Variants in FREM1 observed in about 807,000 individuals in gnomAD.
FREM1 encodes FRAS1 related extracellular matrix 1.
FREM1 carries 220 observed loss-of-function variants against 210.1 expected under a neutral mutation model. The ratio of observed to expected loss-of-function variants is 1.05; its 90% CI spans 0.94 to 1.17. The LOEUF (loss-of-function observed/expected upper bound fraction) is 1.17. Among genes scored for constraint, FREM1 ranks in the 50% most tolerant of loss-of-function variants. The pLI is 0.00. For missense variants in FREM1, 3,454 were observed against 2,675.5 expected, an observed-to-expected ratio of 1.29 and a Z score of -6.42; for synonymous variants, 1,189 against 980.2, an observed-to-expected ratio of 1.21 and a Z score of -3.98.
chr9:14,741,657 G>C (rs762577212), intron 35 of FREM1, among the ~76,000 whole-genome samples: 10 of 152,168 alleles, frequency 6.6e-5, no homozygotes, highest in Non-Finnish European at 2.9e-5. Flanking sequence ...GGGCTTGAGG[G>C]ACTGTCCCAG....
intron 1 of FREM1, among the ~76,000 whole-genome samples, chr9:14,885,059 G>A (rs548727235): frequency 0.07 from 8,352 of 119,428 alleles, 1,411 homozygotes; most frequent in African/African-American, 0.26. Context: ...CGAGTGGCTG[G>A]GACTACAGCT....
intron 3 of FREM1, among the ~76,000 whole-genome samples, chr9:14,863,216 C>T (rs886934524): frequency 2.6e-5 from 4 of 151,612 alleles, no homozygotes; most frequent in Non-Finnish European, 5.9e-5. Context: ...TGGTGGGCGC[C>T]TGTAGTCCCA....
intron 27 of FREM1, among the ~76,000 whole-genome samples, chr9:14,762,898 A>G (rs1011635517): frequency 3.3e-5 from 5 of 152,170 alleles, no homozygotes; most frequent in African/African-American, 1.2e-4. Context: ...GCCTGCAAGA[A>G]GCCACACAGC....
chr9:14,830,617 C>T (rs1360166813), intron 10 of FREM1, among the ~76,000 whole-genome samples: 5 of 151,692 alleles, frequency 3.3e-5, no homozygotes, highest in Admixed American at 6.6e-5. Flanking sequence ...CGGAAGACCT[C>T]CTCCTCTTTC....
chr9:14,770,224 G>A (rs1847282152), intron 26 of FREM1, among the ~76,000 whole-genome samples: 1 of 151,756 alleles, frequency 6.6e-6, no homozygotes, highest in Non-Finnish European at 1.5e-5. Context: ...GAATCCATTA[G>A]GAAAAAAACC....
At chr9:14,758,862 T>G (rs1198560853) in intron 28 of FREM1, among the ~76,000 whole-genome samples, 1 of 152,224 alleles carries the variant, frequency 6.6e-6, no homozygotes, top group Non-Finnish European at 1.5e-5. Context: ...AGTTGACTGA[T>G]CTAGAAGTGG....
intron 24 of FREM1, among the ~76,000 whole-genome samples, chr9:14,780,700 T>G (rs923921): frequency 0.47 from 71,128 of 151,948 alleles, 17,044 homozygotes; most frequent in African/African-American, 0.57. Flanking sequence ...ACATTAAAAA[T>G]GGAAGGGGGA....
At chr9:14,819,188 T>C (rs770624032) in intron 14 of FREM1, 46 bp downstream of exon 14, 1 of 1,389,182 alleles carries the variant, frequency 7.2e-7, no homozygotes, top group Admixed American at 2.0e-5. Flanking sequence ...CTGATCTAGA[T>C]AAGAAACTAA....
chr9:14,897,319 A>G (rs183438900), intron 1 of FREM1, among the ~76,000 whole-genome samples: 125 of 152,260 alleles, frequency 8.2e-4, no homozygotes, highest in Admixed American at 1.6e-3. Context: ...TAACTAAAGT[A>G]CCTCATATTC....
chr9:14,803,821 A>T (rs1232895021), intron 19 of FREM1, among the ~76,000 whole-genome samples: 2 of 152,238 alleles, frequency 1.3e-5, no homozygotes, highest in Non-Finnish European at 2.9e-5. Context: ...AGCCCTACTT[A>T]TTAAATATTA....
intron 1 of FREM1, among the ~76,000 whole-genome samples, chr9:14,873,428 T>A (rs949943226): frequency 6.6e-6 from 1 of 152,254 alleles, no homozygotes; most frequent in Non-Finnish European, 1.5e-5. Context: ...ATTTATCCAT[T>A]TCTTCGATAT....
chr9:14,745,291 T>C (rs1298321624), intron 35 of FREM1, among the ~76,000 whole-genome samples: 1 of 152,132 alleles, frequency 6.6e-6, no homozygotes, highest in Non-Finnish European at 1.5e-5. Context: ...TAAAAACAAA[T>C]TTGGATTGTC....
Position 14,747,261 on chromosome 9 carries a change from T to G in FREM1, c.6009+3A>C. ...GAGTAAGAAGGAACAAAGATTTTCA[T>G]ACCTGTCTGGGGAAGTGTGAGTCAG... On this transcript the variant is annotated splice_donor_region_variant and intron_variant, in intron 33 of 36. Transcript: ENST00000380880. 3 of 1,608,806 alleles carry G rather than the reference T, an allele frequency of 1.9e-6. No individual in the cohort carries two copies. Among genetic ancestry groups the G allele is most frequent in the Non-Finnish European group, 2.5e-6 (3 of 1,177,536 alleles).
intron 21 of FREM1, among the ~76,000 whole-genome samples, chr9:14,794,310 GA>G (rs1244387180): frequency 6.6e-6 from 1 of 152,186 alleles, no homozygotes; most frequent in Non-Finnish European, 1.5e-5. Flanking sequence ...GTATCTTGAG[GA>G]ACCACATAGA....
intron 24 of FREM1, chr9:14,782,482 C>G (rs1037977987): frequency 4.1e-6 from 1 of 246,054 alleles, no homozygotes; most frequent in East Asian, 1.8e-4. Context: ...TGGGCATTGA[C>G]GGAGGGAAGC....
At chr9:14,848,502 A>G (rs1001692904) in intron 7 of FREM1, among the ~76,000 whole-genome samples, 163 bp downstream of exon 7, 10 of 152,192 alleles carry the variant, frequency 6.6e-5, no homozygotes, top group Admixed American at 1.3e-4. Context: ...CAGGAGGAAT[A>G]AAAAAACAAC....
chr9:14,872,100 G>A (rs1180634437), intron 1 of FREM1, among the ~76,000 whole-genome samples: 11 of 152,300 alleles, frequency 7.2e-5, no homozygotes, highest in East Asian at 5.8e-4. Flanking sequence ...GTCAGGTAGC[G>A]TGATGTCTCC....
Position 14,750,242 on chromosome 9 carries a change from G to A in FREM1, c.5442C>T (p.Thr1814=). Residue 1814 remains threonine (T), a synonymous_variant, in exon 30 of 37, where the codon ACC becomes ACT. Transcript: ENST00000380880. ...CATCATCTTCCTCTAATCCGTCATAGGTAATTGCTATATTCCACATCTTAG... is the reference window on the plus strand; with the variant it reads ...CATCATCTTCCTCTAATCCGTCATAAGTAATTGCTATATTCCACATCTTAG... ...MSTKMWNIAI[T]YDGLEEDDEV... 1 of 1,612,386 alleles carries A rather than the reference G, an allele frequency of 6.2e-7. No individual in the cohort carries two copies. The highest frequency in any genetic ancestry group is 8.5e-7 in the Non-Finnish European group (1 of 1,178,668).
chr9:14,824,230 A>G, intron 11 of FREM1, 115 bp from the exon 12 acceptor site: 1 of 646,660 alleles, frequency 1.5e-6, no homozygotes. Context: ...TGGGTGCTCT[A>G]TCTTTATATT....
Sources: gnomAD v4.1 joint callset for allele counts (sites outside exome capture counted in the v4.1 genomes callset) on GRCh38, gnomAD v4.1.1 for gene constraint, MANE v1.5 for transcripts, NCBI Gene and HGNC (gene_info 2026-07-23, HGNC 2026-07-21) for gene names.